Variants in L3MBTL3 observed in about 807,000 individuals in gnomAD.
The protein encoded by L3MBTL3 is L3MBTL histone methyl-lysine binding protein 3.
Under a neutral mutation model 102.3 loss-of-function variants are expected in L3MBTL3, and 27 were observed. The ratio of observed to expected loss-of-function variants is 0.26; its 90% CI spans 0.19 to 0.36. The LOEUF is 0.36. L3MBTL3 is among the 10% of genes least tolerant of loss of function. The pLI is 1.00. For synonymous variants in L3MBTL3, 340 were observed against 320.9 expected (o/e 1.06, Z -0.64); for missense variants, 798 against 955.3 (o/e 0.84, Z 2.17).
rs771730197 is a variant in L3MBTL3 at position 130,049,772 on chromosome 6, G to C, written c.231G>C (p.Pro77=). The part of the protein sequence containing the change: ...PTAQEAPTSP[P]SSRPVFPPAY... ...CATCTCCAGCCCCGACCTCTCCCCC[G>C]AGCTCCAGGCCCGTATTTCCACCTG... Residue 77 remains proline (P), a synonymous_variant, in exon 5 of 23, where the codon CCG becomes CCC. Transcript: ENST00000361794. 1 of 1,613,820 alleles carries C rather than the reference G, an allele frequency of 6.2e-7. No homozygotes were observed. The highest frequency in any genetic ancestry group is 1.1e-5 in the South Asian group (1 of 91,054).
chr6:130,110,720 C>T (rs1389199829), intron 19 of L3MBTL3, among the ~76,000 whole-genome samples: 1 of 152,174 alleles, frequency 6.6e-6, no homozygotes, highest in East Asian at 1.9e-4. Flanking sequence ...CCAGAACTTC[C>T]AATACTATGT....
At chr6:130,096,256 A>G (rs1406780870) in intron 18 of L3MBTL3, among the ~76,000 whole-genome samples, 3 of 152,142 alleles carry the variant, frequency 2.0e-5, no homozygotes, top group Non-Finnish European at 1.5e-5. Context: ...TAAATTAGTC[A>G]CAGACCCAAC....
chr6:130,114,871 T>C (rs1311925614), intron 19 of L3MBTL3, among the ~76,000 whole-genome samples: 1 of 152,160 alleles, frequency 6.6e-6, no homozygotes, highest in Non-Finnish European at 1.5e-5. Context: ...CTGAATCCCT[T>C]CGAAGGTGGT....
chr6:130,137,830 G>A lies in L3MBTL3; in HGVS notation c.2200-1780G>A, dbSNP rs1787867888. 5 of 152,238 alleles carry A rather than the reference G, an allele frequency of 3.3e-5. No individual in the cohort carries two copies. The South Asian group carries it at 8.3e-4, about 25-fold the overall frequency. 9.4% of individuals were successfully genotyped at this position (152,238 alleles called of 1,614,324 possible). A position where few individuals can be genotyped will look rare whatever the true frequency, so the allele number is the denominator to read the frequency against. On this transcript the variant is annotated intron_variant, in intron 22 of 22. Coordinates refer to ENST00000361794, the MANE Select transcript of L3MBTL3 (RefSeq NM_032438.4). ...GTACTAAGGTCTGCCTTGGTTGAGCGAAGTGTTAATAGATCTGCCTTTCTT... is the reference window on the plus strand; with the variant it reads ...GTACTAAGGTCTGCCTTGGTTGAGCAAAGTGTTAATAGATCTGCCTTTCTT...
At chr6:130,079,576 G>A (rs942332827) in intron 14 of L3MBTL3, among the ~76,000 whole-genome samples, 7 of 152,258 alleles carry the variant, frequency 4.6e-5, no homozygotes, top group South Asian at 4.1e-4. Flanking sequence ...GCATCCCTGC[G>A]CAGTAGACAA....
chr6:130,096,274 G>T (rs1784362439), intron 18 of L3MBTL3, among the ~76,000 whole-genome samples: 2 of 152,024 alleles, frequency 1.3e-5, no homozygotes, highest in African/African-American at 4.8e-5. Context: ...AACCTTCAAA[G>T]AATTCACAGG....
chr6:130,066,197 T>C (rs569636498), intron 10 of L3MBTL3, among the ~76,000 whole-genome samples, 156 bp from the exon 11 acceptor site: 1 of 152,012 alleles, frequency 6.6e-6, no homozygotes. Context: ...AGATTCTGGT[T>C]ATTTGTTTAG....
At chr6:130,132,519 T>C (rs1273207434) in intron 20 of L3MBTL3, among the ~76,000 whole-genome samples, 1 of 152,202 alleles carries the variant, frequency 6.6e-6, no homozygotes, top group African/African-American at 2.4e-5. Flanking sequence ...TGAGGTGTCC[T>C]TGTAACTGAG....
chr6:130,047,571 C>A (rs182673376), intron 3 of L3MBTL3, among the ~76,000 whole-genome samples: 8 of 152,274 alleles, frequency 5.3e-5, no homozygotes. Flanking sequence ...CTATTTCTTA[C>A]ATTTTGTATT....
intron 22 of L3MBTL3, among the ~76,000 whole-genome samples, chr6:130,135,641 C>T (rs1302722389): frequency 3.3e-5 from 5 of 152,030 alleles, no homozygotes; most frequent in Non-Finnish European, 5.9e-5. Context: ...GGCAGATTGT[C>T]TTTGGAGATG....
intron 22 of L3MBTL3, among the ~76,000 whole-genome samples, chr6:130,136,069 G>GT (rs1173122801): frequency 2.6e-5 from 4 of 151,862 alleles, no homozygotes; most frequent in African/African-American, 9.7e-5. Context: ...TTTGAAACAT[G>GT]TAAAACCCTT....
chr6:130,093,028 T>A (rs1784153376), intron 17 of L3MBTL3, among the ~76,000 whole-genome samples, 169 bp downstream of exon 17: 1 of 152,094 alleles, frequency 6.6e-6, no homozygotes, highest in Non-Finnish European at 1.5e-5. Context: ...GAAATATAAA[T>A]GGAAAAAAAA....
intron 15 of L3MBTL3, among the ~76,000 whole-genome samples, chr6:130,085,555 C>T (rs950044307): frequency 3.3e-5 from 5 of 152,136 alleles, no homozygotes; most frequent in Admixed American, 3.3e-4. Flanking sequence ...TTTTACTCTG[C>T]TATTTCCCTT....
chr6:130,127,273 A>G (rs1034399422), intron 20 of L3MBTL3, among the ~76,000 whole-genome samples: 7 of 152,166 alleles, frequency 4.6e-5, no homozygotes, highest in African/African-American at 1.7e-4. Context: ...CAGATAAGGA[A>G]ATTCTAGAGA....
intron 5 of L3MBTL3, 143 bp from the exon 6 acceptor site, chr6:130,051,106 A>G (rs1363486094): frequency 3.2e-6 from 2 of 620,022 alleles, no homozygotes; most frequent in Non-Finnish European, 5.4e-6. Context: ...CCCCGAAAAC[A>G]CTATCATTTG....
chr6:130,066,716 T>A (rs528321886), intron 11 of L3MBTL3, among the ~76,000 whole-genome samples: 1 of 152,190 alleles, frequency 6.6e-6, no homozygotes, highest in African/African-American at 2.4e-5. Flanking sequence ...AAATAACATT[T>A]GCATGATACT....
chr6:130,055,390 T>A, intron 8 of L3MBTL3, 135 bp downstream of exon 8: 1 of 655,246 alleles, frequency 1.5e-6, no homozygotes, highest in Non-Finnish European at 2.6e-6. Flanking sequence ...AATAAAGATT[T>A]GAGATTTTGA....
At chr6:130,028,667 G>A (rs1779513637) in intron 2 of L3MBTL3, among the ~76,000 whole-genome samples, 4 of 152,106 alleles carry the variant, frequency 2.6e-5, no homozygotes, top group African/African-American at 9.7e-5. Context: ...TATCAAAGGT[G>A]GTCTCTGTCA....
chr6:130,031,789 G>C (rs1422178739), intron 2 of L3MBTL3, among the ~76,000 whole-genome samples: 1 of 151,826 alleles, frequency 6.6e-6, no homozygotes, highest in Non-Finnish European at 1.5e-5. Context: ...GAAATTGGCA[G>C]TCTTTTCTGG....
Sources: allele counts gnomAD v4.1 joint callset (sites outside exome capture counted in the v4.1 genomes callset), GRCh38; gene constraint gnomAD v4.1.1; transcripts MANE v1.5; gene names NCBI Gene and HGNC (gene_info 2026-07-23, HGNC 2026-07-21).